Variants in TESMIN observed in about 807,000 individuals in gnomAD.
TESMIN encodes CXC domain containing 2.
In TESMIN, 34 loss-of-function variants were observed where a neutral mutation model predicts 47.4. The ratio of observed to expected loss-of-function variants is 0.72; its 90% confidence interval spans 0.55 to 0.96. TESMIN has a LOEUF of 0.96. TESMIN is among the 40% of genes least tolerant of loss of function. TESMIN has a pLI of 0.00. For missense variants in TESMIN, 610 were observed against 637.2 expected (o/e 0.96, Z 0.46); for synonymous variants, 278 against 258.9 (o/e 1.07, Z -0.71).
At chr11:68,715,685 T>C (rs905593223) in intron 7 of TESMIN, 152 bp downstream of exon 7, 1 of 613,802 alleles carries the variant, frequency 1.6e-6, no homozygotes, top group Non-Finnish European at 2.8e-6. Flanking sequence ...CGTGGTTCAA[T>C]ACCCCCACCG....
intron 6 of TESMIN, among the ~76,000 whole-genome samples, chr11:68,731,314 GCTA>G (rs1946324189): frequency 6.6e-6 from 1 of 152,190 alleles, no homozygotes; most frequent in Admixed American, 6.5e-5. Context: ...TGTAATTCCA[GCTA>G]CTTTGGAGGC....
intron 8 of TESMIN, among the ~76,000 whole-genome samples, chr11:68,711,726 G>C (rs1399749632): frequency 6.6e-6 from 1 of 152,212 alleles, no homozygotes; most frequent in Non-Finnish European, 1.5e-5. Flanking sequence ...CAAGAGAGTA[G>C]AATTCGAAAT....
chr11:68,750,051 T>G, intron 2 of TESMIN, 139 bp downstream of exon 2: 1 of 656,890 alleles, frequency 1.5e-6, no homozygotes, highest in South Asian at 2.7e-5. Context: ...CTACCGAGAA[T>G]CAGTGACTCC....
intron 6 of TESMIN, among the ~76,000 whole-genome samples, chr11:68,720,576 G>A (rs759944774): frequency 4.5e-4 from 69 of 152,166 alleles, no homozygotes; most frequent in South Asian, 4.1e-4. Flanking sequence ...TCAATTCAGC[G>A]TGTCCACCCC....
chr11:68,738,501 A>G (rs1246452693), intron 6 of TESMIN, 199 bp downstream of exon 6: 4 of 1,379,112 alleles, frequency 2.9e-6, no homozygotes, highest in Non-Finnish European at 3.8e-6. Flanking sequence ...CAGACTTTCC[A>G]GCAGCCTTTG....
rs189722771 is a variant in TESMIN at position 68,731,999 on chromosome 11, A to G, written c.917+6701T>C. 2.3e-3 allele frequency among the ~76,000 whole-genome samples: 357 copies of G among 152,328 alleles called. 3 individuals carry two copies. The highest frequency in any genetic ancestry group is 8.3e-3 in the African/African-American group (343 of 41,572). On this transcript the variant is annotated intron_variant, in intron 6 of 9. Transcript: ENST00000255087. ...TCACGTTGTCTCTCCAAGGCCTCTC[A>G]TTTCTCAGTATGGAGCTACTAGGAA...
intron 6 of TESMIN, among the ~76,000 whole-genome samples, chr11:68,731,297 G>A (rs904171917): frequency 2.0e-5 from 3 of 152,122 alleles, no homozygotes; most frequent in Admixed American, 2.0e-4. Context: ...GCATGAGGGC[G>A]CATGCCTGTA....
At chr11:68,720,308 C>T (rs1946190422) in intron 6 of TESMIN, among the ~76,000 whole-genome samples, 1 of 152,220 alleles carries the variant, frequency 6.6e-6, no homozygotes, top group African/African-American at 2.4e-5. Flanking sequence ...CTCTCCCACA[C>T]TCCAGACCCT....
intron 5 of TESMIN, among the ~76,000 whole-genome samples, chr11:68,739,247 A>C (rs1166328343): frequency 6.6e-6 from 1 of 152,230 alleles, no homozygotes; most frequent in Non-Finnish European, 1.5e-5. Flanking sequence ...TTTTGTAACC[A>C]GTTTTAACAA....
intron 6 of TESMIN, among the ~76,000 whole-genome samples, chr11:68,735,038 C>T (rs1282048579): frequency 1.3e-5 from 2 of 152,258 alleles, no homozygotes; most frequent in Non-Finnish European, 2.9e-5. Flanking sequence ...ACTTTGACTG[C>T]TTCTGGAGAG....
At chr11:68,710,035 G>A (rs1009547361) in intron 9 of TESMIN, among the ~76,000 whole-genome samples, 1 of 152,178 alleles carries the variant, frequency 6.6e-6, no homozygotes, top group Non-Finnish European at 1.5e-5. Context: ...GTGCGTGCCT[G>A]TAGTCCCAGC....
intron 8 of TESMIN, among the ~76,000 whole-genome samples, chr11:68,711,413 CTG>C (rs1251279728): frequency 2.1e-5 from 3 of 143,116 alleles, no homozygotes; most frequent in East Asian, 4.3e-4. Flanking sequence ...GTGTGTGTGA[CTG>C]TGTGTGTTTG....
chr11:68,724,601 T>C (rs1946240108), intron 6 of TESMIN, among the ~76,000 whole-genome samples: 1 of 152,190 alleles, frequency 6.6e-6, no homozygotes, highest in African/African-American at 2.4e-5. Context: ...GGTCTTGCCA[T>C]GAAAGGTTAA....
intron 8 of TESMIN, 78 bp downstream of exon 8, chr11:68,713,192 A>T: frequency 7.1e-7 from 1 of 1,404,622 alleles, no homozygotes; most frequent in Non-Finnish European, 9.6e-7. Flanking sequence ...AATTACAGCA[A>T]AGTTTTTTTA....
intron 5 of TESMIN, among the ~76,000 whole-genome samples, chr11:68,741,539 A>C (rs1946456353): frequency 6.6e-6 from 1 of 152,198 alleles, no homozygotes; most frequent in Non-Finnish European, 1.5e-5. Context: ...TATCTCCTGC[A>C]GTAAAATGTA....
chr11:68,715,536 G>A (rs1437603350), intron 7 of TESMIN, among the ~76,000 whole-genome samples: 1 of 152,172 alleles, frequency 6.6e-6, no homozygotes, highest in East Asian at 1.9e-4. Flanking sequence ...GACCCCAAAT[G>A]TCTAAACTCC....
chr11:68,735,094 A>G (rs1187648458), intron 6 of TESMIN, among the ~76,000 whole-genome samples: 1 of 152,228 alleles, frequency 6.6e-6, no homozygotes, highest in East Asian at 1.9e-4. Context: ...ATGCTGTATT[A>G]ATTGAGAATT....
downstream of TESMIN, among the ~76,000 whole-genome samples, chr11:68,705,895 C>T (rs577826637): frequency 1.5e-4 from 23 of 152,000 alleles, no homozygotes; most frequent in East Asian, 3.3e-3. Flanking sequence ...TGGTGGTGCG[C>T]GCCTGTAATC....
intron 6 of TESMIN, chr11:68,738,388 A>G: frequency 9.0e-7 from 1 of 1,109,086 alleles, no homozygotes. Context: ...TACAGTTTGA[A>G]TCAACATGGA....
Sources: gnomAD v4.1 joint callset for allele counts (sites outside exome capture counted in the v4.1 genomes callset) on GRCh38, gnomAD v4.1.1 for gene constraint, MANE v1.5 for transcripts, NCBI Gene and HGNC (gene_info 2026-07-23, HGNC 2026-07-21) for gene names.